Variants in PCDHA5 observed in about 807,000 individuals in gnomAD.
PCDHA5 encodes the protein protocadherin alpha-5.
In PCDHA5, 43 loss-of-function variants were observed where a neutral mutation model predicts 61.6. The observed-to-expected ratio is 0.70, with a 90% CI of 0.55 to 0.90. PCDHA5 has a LOEUF of 0.90. Ranked by LOEUF, PCDHA5 falls within the 40% of genes least tolerant of loss-of-function variation. The pLI is 0.00. For synonymous variants in PCDHA5, 627 were observed against 543.9 expected (o/e 1.15, Z -2.13); for missense variants, 1,298 against 1,222.7 (o/e 1.06, Z -0.92).
chr5:141,006,067 A>G (rs1202024176), intron 3 of PCDHA5, among the ~76,000 whole-genome samples: 4 of 151,950 alleles, frequency 2.6e-5, no homozygotes, highest in Admixed American at 6.6e-5. Flanking sequence ...AGAAATAAAA[A>G]TCAGATTATT....
At chr5:140,870,938 C>G in intron 1 of PCDHA5, 1 of 1,613,724 alleles carries the variant, frequency 6.2e-7, no homozygotes, top group Non-Finnish European at 8.5e-7. Flanking sequence ...GAATTGCAGC[C>G]GGCGGCGGGC....
At chr5:140,868,451 C>T (rs917526467) in intron 1 of PCDHA5, 1 of 152,302 alleles carries the variant, frequency 6.6e-6, no homozygotes, top group African/African-American at 2.4e-5. Flanking sequence ...AACATAAACA[C>T]TAAAGAGCTG....
chr5:140,962,806 A>G (rs2095710017), intron 1 of PCDHA5, among the ~76,000 whole-genome samples: 1 of 152,204 alleles, frequency 6.6e-6, no homozygotes, highest in Admixed American at 6.5e-5. Context: ...ACAACTCTAA[A>G]CATCAGAGAT....
At chr5:140,844,853 C>T (rs1215427504) in intron 1 of PCDHA5, among the ~76,000 whole-genome samples, 1 of 149,202 alleles carries the variant, frequency 6.7e-6, no homozygotes, top group Admixed American at 6.7e-5. Flanking sequence ...ACTGTTGGAC[C>T]TGCCTGGATA....
Position 140,883,198 on chromosome 5 carries a change from C to G in PCDHA5, c.2352+59071C>G, listed in dbSNP as rs145698462. 1.9e-6 allele frequency: 3 copies of G among 1,613,572 alleles called. No individual in the cohort carries two copies. Among genetic ancestry groups the G allele is most frequent in the Admixed American group, 1.7e-5 (1 of 59,932 alleles). On this transcript the variant is annotated intron_variant, in intron 1 of 3. Transcript: ENST00000529859. ...TTAGGACAAAAGGCAAACTAGATTT[C>G]GAAGAAAAGAAATTATATGAAATAT...
chr5:140,821,740 A>G lies in PCDHA5; in HGVS notation c.-36A>G. On this transcript the variant is annotated 5_prime_UTR_variant, in exon 1 of 4. It removes an upstream start codon present in the reference 5' UTR. Coordinates refer to ENST00000529859, the MANE Select transcript of PCDHA5 (RefSeq NM_018908.3). ...AATTTACAAAATACATTGTGTGGTG[A>G]TGCAATAGAAAGCTCATAATTGGAA... The G allele has an allele frequency of 6.4e-7, 1 of 1,551,082 alleles. No individual in the cohort carries two copies.
chr5:140,955,914 G>A (rs1293205418), intron 1 of PCDHA5, among the ~76,000 whole-genome samples: 1 of 152,140 alleles, frequency 6.6e-6, no homozygotes, highest in East Asian at 1.9e-4. Context: ...TAGCAATTGT[G>A]AATGGGAGTT....
intron 1 of PCDHA5, among the ~76,000 whole-genome samples, chr5:140,922,137 T>A (rs1235551628): frequency 2.0e-5 from 3 of 151,994 alleles, no homozygotes; most frequent in African/African-American, 7.3e-5. Context: ...TCTCTTATCC[T>A]CCATGAAACT....
chr5:141,009,514 A>T (rs2098410382), intron 3 of PCDHA5, 113 bp from the exon 4 acceptor site: 5 of 1,501,204 alleles, frequency 3.3e-6, no homozygotes, highest in African/African-American at 1.4e-5. Context: ...ACAACTCGTG[A>T]TTTTTCTGGG....
At chr5:140,862,334 C>A in intron 1 of PCDHA5, 1 of 329,810 alleles carries the variant, frequency 3.0e-6, no homozygotes, top group Non-Finnish European at 6.0e-6. Flanking sequence ...TGTAATTGAC[C>A]CTAACTTCAG....
At position 140,849,972 on chromosome 5, in the gene PCDHA5, T is replaced by C. The variant is rs2150460905; in HGVS notation, c.2352+25845T>C. On this transcript the variant is annotated intron_variant, in intron 1 of 3. Transcript: ENST00000529859. The stretch of plus-strand genomic sequence containing the variant: ...GCAGGAGAACGCCCTGGTGTCCTAC[T>C]CGCTGGTGGAGCGGCGGTTGGGCGA... 4 of 1,597,588 alleles carry C rather than the reference T, an allele frequency of 2.5e-6. 1 individual carries two copies. Among genetic ancestry groups the C allele is most frequent in the Non-Finnish European group, 3.4e-6 (4 of 1,167,892 alleles).
chr5:140,918,511 C>G (rs574083461), intron 1 of PCDHA5, among the ~76,000 whole-genome samples: 1 of 152,144 alleles, frequency 6.6e-6, no homozygotes, highest in African/African-American at 2.4e-5. Flanking sequence ...TCCTTTTAAA[C>G]TTATTGAGGA....
At chr5:140,962,280 A>C (rs1244354033) in intron 1 of PCDHA5, among the ~76,000 whole-genome samples, 1 of 152,224 alleles carries the variant, frequency 6.6e-6, no homozygotes, top group Non-Finnish European at 1.5e-5. Flanking sequence ...AAAAAACCTC[A>C]ACCTTTAATA....
At chr5:140,876,945 C>T (rs1405794987) in intron 1 of PCDHA5, 2 of 1,613,474 alleles carry the variant, frequency 1.2e-6, no homozygotes, top group East Asian at 2.2e-5. Flanking sequence ...CGCTGGTGTC[C>T]TACTCGCTGG....
intron 1 of PCDHA5, among the ~76,000 whole-genome samples, chr5:140,900,475 C>G (rs2153470131): frequency 6.6e-6 from 1 of 152,298 alleles, no homozygotes; most frequent in East Asian, 1.9e-4. Flanking sequence ...CGGAGTTTCT[C>G]CATGTTGGTC....
chr5:140,978,182 AC>A (rs1240611427), intron 1 of PCDHA5, among the ~76,000 whole-genome samples: 1 of 152,186 alleles, frequency 6.6e-6, no homozygotes, highest in African/African-American at 2.4e-5. Context: ...AGAGAGGGCA[AC>A]AGATCTTTTC....
chr5:140,851,595 G>C (rs1470017891), intron 1 of PCDHA5: 1 of 919,210 alleles, frequency 1.1e-6, no homozygotes, highest in South Asian at 5.0e-5. Context: ...TTGAAATTCA[G>C]TTTACAGAAA....
intron 1 of PCDHA5, chr5:140,876,551 A>C: frequency 6.2e-7 from 1 of 1,614,184 alleles, no homozygotes; most frequent in Non-Finnish European, 8.5e-7. Flanking sequence ...CTCCCTGTGC[A>C]AGAGGATGCT....
At chr5:141,003,938 G>A (rs1195315346) in intron 3 of PCDHA5, among the ~76,000 whole-genome samples, 1 of 152,178 alleles carries the variant, frequency 6.6e-6, no homozygotes, top group Non-Finnish European at 1.5e-5. Flanking sequence ...GTCTTTGCCT[G>A]AGGGTGAGCT....
Sources: gnomAD v4.1 joint callset for allele counts (sites outside exome capture counted in the v4.1 genomes callset) on GRCh38, gnomAD v4.1.1 for gene constraint, MANE v1.5 for transcripts, NCBI Gene and HGNC (gene_info 2026-07-23, HGNC 2026-07-21) for gene names.